The following EGLN3 variants were observed in gnomAD, a reference collection of about 807,000 sequenced individuals.
EGLN3 encodes prolyl hydroxylase EGLN3.
Under a neutral mutation model 26.0 loss-of-function variants are expected in EGLN3, and 15 were observed. The observed-to-expected ratio is 0.58, with a 90% CI of 0.39 to 0.89. The LOEUF (loss-of-function observed/expected upper bound fraction) is 0.89, where lower values mean the gene tolerates loss of function less well. EGLN3 is among the 40% of genes least tolerant of loss of function. The pLI, the probability that EGLN3 is intolerant of heterozygous loss-of-function variation, is 0.00. For synonymous variants in EGLN3, 147 were observed against 127.2 expected, an observed-to-expected ratio of 1.16 and a Z score of -1.05; for missense variants, 238 against 311.6, an observed-to-expected ratio of 0.76 and a Z score of 1.78.
At chr14:33,929,887 A>G (rs1423410725) in intron 2 of EGLN3, among the ~76,000 whole-genome samples, 3 of 152,204 alleles carry the variant, frequency 2.0e-5, no homozygotes, top group Non-Finnish European at 4.4e-5. Context: ...AAATCATCAC[A>G]TGTAACTTCC....
chr14:33,927,525 G>T (rs1426636361), intron 3 of EGLN3, among the ~76,000 whole-genome samples: 2 of 152,102 alleles, frequency 1.3e-5, no homozygotes, highest in African/African-American at 4.8e-5. Context: ...GTAATAAAAT[G>T]CATAAGGAAT....
At chr14:33,925,999 A>C in intron 4 of EGLN3, 77 bp from the exon 5 acceptor site, 1 of 1,443,570 alleles carries the variant, frequency 6.9e-7, no homozygotes, top group Non-Finnish European at 9.7e-7. Context: ...AATGTCACCA[A>C]AAAGCCTCCA....
intron 3 of EGLN3, 63 bp downstream of exon 3, chr14:33,929,013 G>A: frequency 6.3e-7 from 1 of 1,586,264 alleles, no homozygotes; most frequent in Non-Finnish European, 8.6e-7. Context: ...CGTTTAAAGA[G>A]TTCTCTGGAA....
At chr14:33,943,680 T>C (rs1792960460) in intron 1 of EGLN3, among the ~76,000 whole-genome samples, 1 of 152,170 alleles carries the variant, frequency 6.6e-6, no homozygotes, top group Non-Finnish European at 1.5e-5. Flanking sequence ...CTTCCAAGCT[T>C]TATCCGGAAG....
intron 1 of EGLN3, among the ~76,000 whole-genome samples, chr14:33,942,088 CA>C (rs2064487233): frequency 6.6e-6 from 1 of 152,056 alleles, no homozygotes; most frequent in Non-Finnish European, 1.5e-5. Flanking sequence ...TTGTTTTAAG[CA>C]CAGAGACTAC....
chr14:33,938,230 CT>C (rs368758223), intron 1 of EGLN3, among the ~76,000 whole-genome samples: 67 of 152,344 alleles, frequency 4.4e-4, no homozygotes, highest in Middle Eastern at 3.4e-3. Flanking sequence ...CATGCACGAC[CT>C]TCTGAGTGAA....
intron 1 of EGLN3, among the ~76,000 whole-genome samples, chr14:33,936,372 A>G (rs772486971): frequency 1.1e-4 from 16 of 152,162 alleles, no homozygotes; most frequent in Non-Finnish European, 2.1e-4. Context: ...GGTCTCATTT[A>G]TATTCGGGTG....
intron 1 of EGLN3, among the ~76,000 whole-genome samples, chr14:33,939,365 C>T (rs934117833): frequency 1.3e-5 from 2 of 152,134 alleles, no homozygotes; most frequent in African/African-American, 4.8e-5. Context: ...CGCCCGCCAC[C>T]ACGCCCGGCT....
chr14:33,950,876 T>A lies in EGLN3; in HGVS notation c.-124A>T. On this transcript the variant is annotated 5_prime_UTR_variant, in exon 1 of 5. Transcript: ENST00000250457. The stretch of plus-strand genomic sequence containing the variant: ...GTTCAGAAACCTGCGGCTGCCACGG[T>A]ACCCGAGCCGCTGCAGCGTCGGGGA... 1.3e-6 allele frequency: 1 copy of A among 793,570 alleles called. No individual in the cohort carries two copies. The highest frequency in any genetic ancestry group is 2.0e-6 in the Non-Finnish European group (1 of 494,756). 49.2% of individuals were successfully genotyped at this position (793,570 alleles called of 1,614,324 possible). A position where few individuals can be genotyped will look rare whatever the true frequency, so the allele number is the denominator to read the frequency against.
In EGLN3 at chr14:33,925,042, A is replaced by T. The variant is rs2064351839; in HGVS notation, c.*849T>A. 6.6e-6 allele frequency: 1 copy of T among 151,512 alleles called. No homozygotes were observed. The highest frequency in any genetic ancestry group is 1.5e-5 in the Non-Finnish European group (1 of 67,920). The allele number at this position is 151,512 out of a possible 1,614,324, so 9.4% of individuals were successfully genotyped here. ...ACACATGTTTATTGTATATCAGTAG[A>T]CCTAGCTCTTTCCACAGTTATCAGT... On this transcript the variant is annotated 3_prime_UTR_variant, in exon 5 of 5. Transcript: ENST00000250457.
chr14:33,943,237 G>A (rs985205525), intron 1 of EGLN3, among the ~76,000 whole-genome samples: 7 of 152,246 alleles, frequency 4.6e-5, no homozygotes, highest in African/African-American at 1.2e-4. Flanking sequence ...CCCAATCAAC[G>A]GCTCCTGGCA....
At chr14:33,944,584 T>C (rs1053541161) in intron 1 of EGLN3, among the ~76,000 whole-genome samples, 1 of 152,236 alleles carries the variant, frequency 6.6e-6, no homozygotes, top group African/African-American at 2.4e-5. Context: ...ACATCCTGTA[T>C]AGTTTTGATC....
rs1555343504 is a variant in EGLN3, at chr14:33,934,466, T to TTAA, written c.358-3252_358-3251insTTA. Among the ~76,000 whole-genome samples the TTAA allele has an allele frequency of 8.7e-5, 12 of 138,418 alleles. 2 individuals carry two copies. In the South Asian group the frequency reaches 1.2e-3, roughly 13 times the overall value. The allele number at this position is 138,418 out of a possible 152,430, so 90.8% of individuals were successfully genotyped here. A position where few individuals can be genotyped will look rare whatever the true frequency, so the allele number is the denominator to read the frequency against. On this transcript the variant is annotated intron_variant, in intron 1 of 4. Transcript: ENST00000250457. Reference sequence around the variant, plus strand: ...AAGAGTTACCAGTGAGCTGACTTCATAAAAAAAAAAAAAAAACCTATCTCA... The same window carrying TTAA: ...AAGAGTTACCAGTGAGCTGACTTCATTAAAAAAAAAAAAAAAAAACCTATCTCA...
In EGLN3 at chr14:33,924,952, A is replaced by C. The variant is rs961877217; in HGVS notation, c.*939T>G. ...TTAAAAAGGAAAACTAAAAAAAAAA[A>C]AAAAAAAAAAACAGGAACACCCACA... On this transcript the variant is annotated 3_prime_UTR_variant, in exon 5 of 5. Transcript: ENST00000250457. 2.1e-4 allele frequency: 31 copies of C among 150,580 alleles called. No homozygotes were observed. Among genetic ancestry groups the C allele is most frequent in the African/African-American group, 7.0e-4 (29 of 41,196 alleles). The allele number at this position is 150,580 out of a possible 1,614,324, so 9.3% of individuals were successfully genotyped here.
intron 1 of EGLN3, among the ~76,000 whole-genome samples, chr14:33,938,235 G>T (rs2138820039): frequency 6.6e-6 from 1 of 152,366 alleles, no homozygotes. Flanking sequence ...ACGACCTTCT[G>T]AGTGAATCGC....
intron 1 of EGLN3, chr14:33,948,159 G>A (rs997348530): frequency 6.6e-6 from 1 of 152,156 alleles, no homozygotes; most frequent in African/African-American, 2.4e-5. Flanking sequence ...GCTCAGCTGA[G>A]GGATAAAAAG....
At chr14:33,950,263 G>T in intron 1 of EGLN3, 133 bp downstream of exon 1, 1 of 862,258 alleles carries the variant, frequency 1.2e-6, no homozygotes, top group East Asian at 2.5e-5. Context: ...GCAGCGAGTA[G>T]AGACAAACCA....
intron 1 of EGLN3, among the ~76,000 whole-genome samples, chr14:33,934,929 G>A (rs746364205): frequency 1.4e-4 from 22 of 152,154 alleles, no homozygotes; most frequent in Non-Finnish European, 2.6e-4. Flanking sequence ...TGAGAAAAGC[G>A]TGATTTCAAA....
chr14:33,938,621 C>T (rs906183783), intron 1 of EGLN3, among the ~76,000 whole-genome samples: 1 of 152,226 alleles, frequency 6.6e-6, no homozygotes, highest in African/African-American at 2.4e-5. Context: ...TGTTTTCAAC[C>T]GGGCTTCCTC....
Sources: allele counts gnomAD v4.1 joint callset (sites outside exome capture counted in the v4.1 genomes callset), GRCh38; gene constraint gnomAD v4.1.1; transcripts MANE v1.5; gene names NCBI Gene and HGNC (gene_info 2026-07-23, HGNC 2026-07-21).